Variants in RAB3IL1 observed in about 807,000 individuals in gnomAD.
The protein encoded by RAB3IL1 is guanine nucleotide exchange factor for Rab-3A.
RAB3IL1 carries 37 observed loss-of-function variants against 49.2 expected under a neutral mutation model. That is an observed-to-expected ratio of 0.75 (90% CI 0.58 to 0.99). The LOEUF is 0.99. RAB3IL1 is among the 50% of genes least tolerant of loss of function. The pLI is 0.00. For synonymous variants in RAB3IL1, 193 were observed against 213.9 expected (o/e 0.90, Z 0.85); for missense variants, 484 against 513.0 (o/e 0.94, Z 0.55).
At position 61,908,215 on chromosome 11, in the gene RAB3IL1, A is replaced by G; in HGVS notation, c.103T>C (p.Ser35Pro). 6.5e-7 allele frequency: 1 copy of G among 1,541,500 alleles called. No individual in the cohort carries two copies. The highest frequency in any genetic ancestry group is 8.7e-7 in the Non-Finnish European group (1 of 1,143,302). Residue 35 changes from serine to proline, a missense_variant, in exon 2 of 10, where the codon TCC becomes CCC. By Grantham distance (74) the Ser-to-Pro change is moderately conservative. Transcript: ENST00000394836. ...STDPCQGHRE[S>P]PGALVETSAG... ...GAGGTCTCCACCAGGGCTCCTGGGG[A>G]CTCCCTGTGGCCTTGGCAGGGGTCC...
chr11:61,906,952 C>T lies in RAB3IL1; in HGVS notation c.439-268G>A, dbSNP rs557678492. ...AACAAGTGTCTGGGAGCTGGCTGGG[C>T]CTCCCATGAGAGTTCTGGGACCGCC... On this transcript the variant is annotated intron_variant, in intron 4 of 9. Coordinates refer to ENST00000394836, the MANE Select transcript of RAB3IL1 (RefSeq NM_013401.4). The surrounding 1 kb of genome is among the most constrained non-coding windows in gnomAD (Gnocchi z 4.6). Among the ~76,000 whole-genome samples, 1 of 152,338 alleles carries T rather than the reference C, an allele frequency of 6.6e-6. No homozygotes were observed. The highest frequency in any genetic ancestry group is 1.5e-5 in the Non-Finnish European group (1 of 68,028).
At chr11:61,934,317 T>TACACACAC in the RAB3IL1 span, among the ~76,000 whole-genome samples, 701 of 33,194 alleles carry the variant, frequency 0.021, 11 homozygotes, top group African/African-American at 0.076. Flanking sequence ...CCTGAGTAAA[T>TACACACAC]ATACACACAC....
chr11:61,924,738 A>G (rs1939968444), upstream of RAB3IL1, among the ~76,000 whole-genome samples: 1 of 152,124 alleles, frequency 6.6e-6, no homozygotes, highest in African/African-American at 2.4e-5. Context: ...GGAAATATCA[A>G]CAGTTCCCGG....
chr11:61,935,425 AAAAAAAAAAAAAAG>A, the RAB3IL1 span, among the ~76,000 whole-genome samples: 6 of 123,008 alleles, frequency 4.9e-5, no homozygotes, highest in East Asian at 4.1e-3. Flanking sequence ...GTCTCAAAAA[AAAAAAAAAAAAAAG>A]AAAGAAACTG....
rs535771625 is a variant in RAB3IL1 at position 61,906,381 on chromosome 11, A to G, written c.657+85T>C. On this transcript the variant is annotated intron_variant, in intron 5 of 9. Coordinates refer to ENST00000394836, the MANE Select transcript of RAB3IL1 (RefSeq NM_013401.4). This position sits in a 1 kb window ranked among gnomAD's most constrained non-coding sequence, Gnocchi z 4.6. ...GGCTCCAGGTCACACAGCATGGGGCAGGCTGGTCCTCACTGGGCTCGGACC... is the reference window on the plus strand; with the variant it reads ...GGCTCCAGGTCACACAGCATGGGGCGGGCTGGTCCTCACTGGGCTCGGACC... The G allele has an allele frequency of 1.3e-4, 157 of 1,231,564 alleles. 2 individuals are homozygous for G. The South Asian group carries it at 2.0e-3, about 16-fold the overall frequency. The allele number at this position is 1,231,564 out of a possible 1,614,324, so 76.3% of individuals were successfully genotyped here. A position where few individuals can be genotyped will look rare whatever the true frequency, so the allele number is the denominator to read the frequency against.
chr11:61,905,044 GC>G (rs1369251148), intron 5 of RAB3IL1, among the ~76,000 whole-genome samples, 162 bp from the exon 6 acceptor site: 5 of 152,232 alleles, frequency 3.3e-5, no homozygotes, highest in Admixed American at 2.0e-4. Flanking sequence ...TCCAGCAGCA[GC>G]AGAGCTCCCT....
At chr11:61,924,572 G>A (rs1362394846), upstream of RAB3IL1, among the ~76,000 whole-genome samples, 4 of 152,090 alleles carry the variant, frequency 2.6e-5, no homozygotes, top group South Asian at 2.1e-4. Context: ...CTCTGGCTGC[G>A]AAGACCCATA....
At chr11:61,899,256 C>T in intron 9 of RAB3IL1, 58 bp downstream of exon 9, 1 of 1,543,146 alleles carries the variant, frequency 6.5e-7, no homozygotes, top group East Asian at 2.3e-5. Flanking sequence ...GAGGGCACTT[C>T]CCCATCCAGC....
upstream of RAB3IL1, chr11:61,920,341 C>T (rs530511703): frequency 6.8e-6 from 7 of 1,025,042 alleles, no homozygotes; most frequent in East Asian, 2.0e-4. Flanking sequence ...CCTCCCAGGA[C>T]AGCCGCTATC....
chr11:61,909,916 G>A (rs760187191), intron 1 of RAB3IL1, among the ~76,000 whole-genome samples: 19 of 152,304 alleles, frequency 1.2e-4, no homozygotes, highest in Non-Finnish European at 2.5e-4. Context: ...AGACCAGCCT[G>A]GTCAACATGG....
At chr11:61,936,861 G>GA in the RAB3IL1 span, among the ~76,000 whole-genome samples, 6 of 151,484 alleles carry the variant, frequency 4.0e-5, no homozygotes, top group Non-Finnish European at 5.9e-5. Flanking sequence ...CTATCCTTCA[G>GA]AAAAAAAAGG....
the RAB3IL1 span, chr11:61,945,654 C>T: frequency 4.5e-6 from 3 of 660,316 alleles, no homozygotes; most frequent in Non-Finnish European, 5.6e-6. Context: ...AGGCCCTGCA[C>T]AGTTGTCTAG....
At chr11:61,919,394 C>A (rs890126508), upstream of RAB3IL1, among the ~76,000 whole-genome samples, 1 of 152,196 alleles carries the variant, frequency 6.6e-6, no homozygotes, top group African/African-American at 2.4e-5. Context: ...CCATGGACTC[C>A]TAGGGCTCAC....
At chr11:61,918,703 C>A (rs1939813761), upstream of RAB3IL1, among the ~76,000 whole-genome samples, 3 of 152,214 alleles carry the variant, frequency 2.0e-5, no homozygotes, top group Admixed American at 2.0e-4. Context: ...TGCTCTTTCC[C>A]CGCTGGGCAC....
At chr11:61,902,402 C>T (rs1456598349) in intron 8 of RAB3IL1, 40 bp downstream of exon 8, 1 of 1,542,118 alleles carries the variant, frequency 6.5e-7, no homozygotes, top group African/African-American at 1.4e-5. Flanking sequence ...ACCCAGGTGG[C>T]CCCAAAGGAG....
the RAB3IL1 span, chr11:61,945,698 C>G: frequency 2.2e-6 from 2 of 926,680 alleles, no homozygotes; most frequent in Non-Finnish European, 2.6e-6. Context: ...TTTCCGCTAC[C>G]CACCTGCCAC....
chr11:61,905,609 G>C (rs1161846902), intron 5 of RAB3IL1, among the ~76,000 whole-genome samples: 1 of 152,038 alleles, frequency 6.6e-6, no homozygotes, highest in Non-Finnish European at 1.5e-5. Context: ...AGGAGGAAGG[G>C]GAGAAGTTAA....
At chr11:61,924,027 T>A (rs999879617), upstream of RAB3IL1, among the ~76,000 whole-genome samples, 2 of 152,082 alleles carry the variant, frequency 1.3e-5, no homozygotes, top group Non-Finnish European at 2.9e-5. Flanking sequence ...GCCAACCTGG[T>A]GAAGCCAGGC....
chr11:61,902,174 C>T (rs1036741028), intron 8 of RAB3IL1, among the ~76,000 whole-genome samples: 5 of 152,176 alleles, frequency 3.3e-5, no homozygotes, highest in Non-Finnish European at 5.9e-5. Flanking sequence ...ATTAGCTGGG[C>T]GTGGTGGCAC....
Sources: gnomAD v4.1 joint callset for allele counts (sites outside exome capture counted in the v4.1 genomes callset) on GRCh38, gnomAD v4.1.1 for gene constraint, Gnocchi (gnomAD v3.1) non-coding constraint, MANE v1.5 for transcripts, NCBI Gene and HGNC (gene_info 2026-07-23, HGNC 2026-07-21) for gene names.